The following LRRC7 variants were observed in gnomAD, a reference collection of about 807,000 sequenced individuals.
LRRC7 encodes the protein leucine rich repeat containing 7.
A neutral mutation model predicts 175.7 loss-of-function variants in LRRC7; 23 were observed. That is an observed-to-expected ratio of 0.13 (90% CI 0.09 to 0.19). The LOEUF (loss-of-function observed/expected upper bound fraction) is 0.19. Ranked by LOEUF, LRRC7 falls within the 10% of genes least tolerant of loss-of-function variation. The pLI is 1.00. For synonymous variants in LRRC7, 685 were observed against 680.9 expected (o/e 1.01, Z -0.09); for missense variants, 1,354 against 1,904.7 (o/e 0.71, Z 5.38).
chr1:70,137,538 TA>T lies in LRRC7; in HGVS notation c.*15652del, dbSNP rs1666919419. On this transcript the variant is annotated 3_prime_UTR_variant, in exon 27 of 27. Coordinates refer to ENST00000651989, the MANE Select transcript of LRRC7 (RefSeq NM_001370785.2). ...CAAGGAAAACATTAGTCTTTACTGT[TA>T]GCAAACACTCCACCACTGGGGGTTG... Among the ~76,000 whole-genome samples, 1 of 152,246 alleles carries T rather than the reference TA, an allele frequency of 6.6e-6. No homozygotes were observed. The highest frequency in any genetic ancestry group is 2.4e-5 in the African/African-American group (1 of 41,470).
intron 7 of LRRC7, among the ~76,000 whole-genome samples, chr1:69,893,963 A>G (rs1296837117): frequency 6.6e-6 from 1 of 152,212 alleles, no homozygotes; most frequent in African/African-American, 2.4e-5. Context: ...TGTGGGAGGC[A>G]TCGGCTACTG....
chr1:69,585,317 C>A (rs1416644788), intron 1 of LRRC7, among the ~76,000 whole-genome samples: 1 of 152,042 alleles, frequency 6.6e-6, no homozygotes, highest in East Asian at 1.9e-4. Context: ...AATATGTAAT[C>A]ATTAAAGATC....
At chr1:69,584,061 T>G (rs1235219255) in intron 1 of LRRC7, among the ~76,000 whole-genome samples, 1 of 152,132 alleles carries the variant, frequency 6.6e-6, no homozygotes, top group Non-Finnish European at 1.5e-5. Flanking sequence ...CTCATTAGGA[T>G]GGCTGGTTTT....
At chr1:69,835,853 A>T (rs1681040393) in intron 6 of LRRC7, among the ~76,000 whole-genome samples, 1 of 151,992 alleles carries the variant, frequency 6.6e-6, no homozygotes, top group African/African-American at 2.4e-5. Context: ...AGTATTTTTT[A>T]AAATTCTTAA....
chr1:70,143,878 T>G lies in LRRC7; in HGVS notation c.*21991T>G, dbSNP rs1203991179. 2.0e-5 allele frequency: 3 copies of G among 152,332 alleles called. No homozygotes were observed. The highest frequency in any genetic ancestry group is 6.5e-5 in the Admixed American group (1 of 15,294). 9.4% of individuals were successfully genotyped at this position (152,332 alleles called of 1,614,324 possible). ...TGTATGTGTTAAAAAGACTACTATATCACAATTAAAAGTACTTTTTAGTTG... is the reference window on the plus strand; with the variant it reads ...TGTATGTGTTAAAAAGACTACTATAGCACAATTAAAAGTACTTTTTAGTTG... On this transcript the variant is annotated 3_prime_UTR_variant, in exon 27 of 27. Coordinates refer to ENST00000651989, the MANE Select transcript of LRRC7 (RefSeq NM_001370785.2).
At chr1:69,975,004 T>C (rs1290845866) in intron 8 of LRRC7, among the ~76,000 whole-genome samples, 1 of 152,210 alleles carries the variant, frequency 6.6e-6, no homozygotes, top group East Asian at 1.9e-4. Context: ...AGATTATTTA[T>C]CCATAAAGTG....
At chr1:69,595,509 G>A (rs1646806469) in intron 1 of LRRC7, among the ~76,000 whole-genome samples, 1 of 152,206 alleles carries the variant, frequency 6.6e-6, no homozygotes, top group Admixed American at 6.5e-5. Flanking sequence ...CAAACCCAGG[G>A]AGTCTGGCCT....
At chr1:69,698,507 G>C (rs1662910375) in intron 2 of LRRC7, among the ~76,000 whole-genome samples, 1 of 152,174 alleles carries the variant, frequency 6.6e-6, no homozygotes, top group African/African-American at 2.4e-5. Context: ...TAATCTTATA[G>C]AGAAACCCAT....
chr1:70,121,683 TTTG>T, intron 26 of LRRC7, 94 bp from the exon 27 acceptor site: 2 of 751,526 alleles, frequency 2.7e-6, no homozygotes, highest in South Asian at 4.2e-5. Flanking sequence ...CTGACAACTT[TTTG>T]TTGCTCAGTG....
intron 7 of LRRC7, among the ~76,000 whole-genome samples, chr1:69,903,450 T>C (rs1459423554): frequency 1.3e-5 from 2 of 152,108 alleles, no homozygotes; most frequent in Non-Finnish European, 2.9e-5. Context: ...CTGGCCCAGA[T>C]ACTACACCTT....
intron 2 of LRRC7, among the ~76,000 whole-genome samples, chr1:69,687,318 G>A (rs1269395206): frequency 6.6e-6 from 1 of 151,920 alleles, no homozygotes; most frequent in Non-Finnish European, 1.5e-5. Context: ...ACACCAGTCT[G>A]GCCAAGATGG....
At chr1:69,790,119 A>G (rs1557732512) in intron 3 of LRRC7, among the ~76,000 whole-genome samples, 1 of 152,064 alleles carries the variant, frequency 6.6e-6, no homozygotes, top group Non-Finnish European at 1.5e-5. Flanking sequence ...TGATGAATCT[A>G]TTAACTCAAA....
At chr1:69,821,078 A>G (rs1557772360) in intron 4 of LRRC7, among the ~76,000 whole-genome samples, 1 of 152,276 alleles carries the variant, frequency 6.6e-6, no homozygotes, top group East Asian at 1.9e-4. Flanking sequence ...ACAGTATCTC[A>G]CTGTGATTTT....
intron 7 of LRRC7, among the ~76,000 whole-genome samples, chr1:69,842,484 G>A (rs1242916632): frequency 6.6e-6 from 1 of 152,142 alleles, no homozygotes; most frequent in Non-Finnish European, 1.5e-5. Flanking sequence ...GAATATTCAT[G>A]TCTCCTGATG....
chr1:70,117,372 A>T (rs1183003556), intron 26 of LRRC7, among the ~76,000 whole-genome samples: 2 of 152,256 alleles, frequency 1.3e-5, no homozygotes, highest in Non-Finnish European at 2.9e-5. Flanking sequence ...ACCAGAAGGT[A>T]ATCAAACATA....
chr1:69,662,865 GA>G (rs933492531), intron 1 of LRRC7, among the ~76,000 whole-genome samples: 87 of 152,144 alleles, frequency 5.7e-4, no homozygotes, highest in African/African-American at 2.1e-3. Flanking sequence ...ACTTTCCTTG[GA>G]AAAAAACTTA....
intron 24 of LRRC7, among the ~76,000 whole-genome samples, chr1:70,083,610 A>G (rs1663383686): frequency 6.6e-6 from 1 of 152,138 alleles, no homozygotes; most frequent in Non-Finnish European, 1.5e-5. Flanking sequence ...TTCACTCCAG[A>G]AGTTTATATG....
intron 7 of LRRC7, among the ~76,000 whole-genome samples, chr1:69,848,289 CAAGT>C (rs1682595533): frequency 1.3e-5 from 2 of 152,160 alleles, no homozygotes; most frequent in Admixed American, 1.3e-4. Flanking sequence ...GTTCAACTGT[CAAGT>C]AAGCAACTGC....
chr1:69,804,960 TAG>T (rs1449203162), intron 4 of LRRC7, among the ~76,000 whole-genome samples: 2 of 151,820 alleles, frequency 1.3e-5, no homozygotes, highest in Non-Finnish European at 3.0e-5. Flanking sequence ...CATTGCTTTA[TAG>T]AGACTACGAC....
Sources: gnomAD v4.1 joint callset for allele counts (sites outside exome capture counted in the v4.1 genomes callset) on GRCh38, gnomAD v4.1.1 for gene constraint, MANE v1.5 for transcripts, NCBI Gene and HGNC (gene_info 2026-07-23, HGNC 2026-07-21) for gene names.